The following LRRTM4 variants were observed in gnomAD, a reference collection of about 807,000 sequenced individuals.
LRRTM4 encodes leucine-rich repeat transmembrane neuronal protein 4.
Under a neutral mutation model 47.6 loss-of-function variants are expected in LRRTM4, and 25 were observed. That is an observed-to-expected ratio of 0.53 (90% CI 0.38 to 0.73). The LOEUF is 0.73. LRRTM4 is among the 30% of genes least tolerant of loss of function. The probability of loss-of-function intolerance (pLI) is 0.00; values close to 1 mark genes in which losing one functional copy is unlikely to be tolerated. For missense variants in LRRTM4, 638 were observed against 713.4 expected (o/e 0.89, Z 1.20); for synonymous variants, 311 against 269.5 (o/e 1.15, Z -1.51).
intron 3 of LRRTM4, among the ~76,000 whole-genome samples, chr2:77,455,826 A>G (rs995468094): frequency 6.6e-6 from 1 of 152,112 alleles, no homozygotes; most frequent in African/African-American, 2.4e-5. Flanking sequence ...TGCTCTTCCA[A>G]TAAAATCTTC....
At chr2:77,371,787 A>G (rs1175391742) in intron 3 of LRRTM4, among the ~76,000 whole-genome samples, 1 of 151,488 alleles carries the variant, frequency 6.6e-6, no homozygotes, top group Non-Finnish European at 1.5e-5. Context: ...TTGGCCCCAC[A>G]TTCTCCCCAG....
intron 3 of LRRTM4, among the ~76,000 whole-genome samples, chr2:76,977,369 C>T (rs1676456679): frequency 6.6e-6 from 1 of 151,512 alleles, no homozygotes; most frequent in South Asian, 2.1e-4. Flanking sequence ...CACCCAAAAA[C>T]TTACCAACCT....
intron 3 of LRRTM4, among the ~76,000 whole-genome samples, chr2:77,164,952 A>T (rs1000569969): frequency 1.1e-4 from 16 of 152,318 alleles, no homozygotes; most frequent in Non-Finnish European, 1.6e-4. Flanking sequence ...AAGGCAAGAA[A>T]TAACTAAGAT....
chr2:76,967,869 C>G (rs774334373), intron 3 of LRRTM4, among the ~76,000 whole-genome samples: 10 of 151,198 alleles, frequency 6.6e-5, no homozygotes, highest in Non-Finnish European at 1.5e-4. Context: ...TCATTCCATT[C>G]TCCCTCTGGC....
intron 3 of LRRTM4, among the ~76,000 whole-genome samples, chr2:77,394,946 T>C (rs1362560337): frequency 6.6e-6 from 1 of 151,938 alleles, no homozygotes; most frequent in Non-Finnish European, 1.5e-5. Flanking sequence ...GATTCTGGCA[T>C]TGAGCTCAAG....
intron 3 of LRRTM4, among the ~76,000 whole-genome samples, chr2:76,779,406 G>T (rs1264272482): frequency 1.3e-5 from 2 of 150,592 alleles, no homozygotes; most frequent in South Asian, 2.1e-4. Context: ...AAGTCTCTTT[G>T]TAGGTCGCTC....
At chr2:77,516,104 G>C (rs1679199162) in intron 3 of LRRTM4, among the ~76,000 whole-genome samples, 1 of 151,780 alleles carries the variant, frequency 6.6e-6, no homozygotes, top group Non-Finnish European at 1.5e-5. Context: ...TGAGGGCACA[G>C]AAAGTTTGAG....
chr2:77,406,590 C>A (rs976758559), intron 3 of LRRTM4, among the ~76,000 whole-genome samples: 2 of 151,934 alleles, frequency 1.3e-5, no homozygotes, highest in Non-Finnish European at 2.9e-5. Flanking sequence ...TGTGAGCCAC[C>A]GCACCCAGTC....
intron 3 of LRRTM4, among the ~76,000 whole-genome samples, chr2:77,237,693 C>T (rs189305868): frequency 1.3e-5 from 2 of 152,202 alleles, no homozygotes; most frequent in East Asian, 3.9e-4. Flanking sequence ...TCACATAGGG[C>T]CTGGAGAAAG....
chr2:76,914,865 A>C (rs2103790509), intron 3 of LRRTM4, among the ~76,000 whole-genome samples: 1 of 152,328 alleles, frequency 6.6e-6, no homozygotes, highest in South Asian at 2.1e-4. Context: ...ATAAAGAGCA[A>C]AGGCTCTAGA....
At chr2:76,952,880 C>A (rs959771293) in intron 3 of LRRTM4, among the ~76,000 whole-genome samples, 1 of 151,870 alleles carries the variant, frequency 6.6e-6, no homozygotes, top group African/African-American at 2.4e-5. Context: ...ATGTACTTTG[C>A]AGCAGCATAA....
intron 3 of LRRTM4, among the ~76,000 whole-genome samples, chr2:77,078,879 C>T (rs1680436105): frequency 6.6e-6 from 1 of 152,082 alleles, no homozygotes. Flanking sequence ...GCTGGGAAGT[C>T]CAAGATCCAG....
intron 3 of LRRTM4, among the ~76,000 whole-genome samples, chr2:77,107,257 ACT>A (rs111375617): frequency 0.27 from 41,246 of 151,804 alleles, 8,357 homozygotes; most frequent in African/African-American, 0.54. Flanking sequence ...ACATTTAATA[ACT>A]CTTATCTTTG....
intron 3 of LRRTM4, among the ~76,000 whole-genome samples, chr2:77,002,052 G>A (rs568971109): frequency 3.9e-5 from 6 of 152,022 alleles, no homozygotes; most frequent in East Asian, 1.9e-4. Flanking sequence ...TAAAATACAC[G>A]CTTAACATTT....
At chr2:77,013,688 A>G (rs1258160710) in intron 3 of LRRTM4, among the ~76,000 whole-genome samples, 10 of 152,182 alleles carry the variant, frequency 6.6e-5, no homozygotes, top group African/African-American at 2.2e-4. Context: ...GAAAACAGCG[A>G]TAACAATCTC....
intron 3 of LRRTM4, among the ~76,000 whole-genome samples, chr2:76,839,825 A>G (rs994092352): frequency 7.9e-5 from 12 of 152,112 alleles, no homozygotes; most frequent in Non-Finnish European, 1.3e-4. Context: ...AAATCTTGTA[A>G]AAATGCATAA....
rs181011677 is a variant in LRRTM4 at position 76,772,857 on chromosome 2, T to G, written c.1552-23941A>C. 3.3e-3 allele frequency: 509 copies of G among 152,314 alleles called. 2 individuals are homozygous for G. The highest frequency in any genetic ancestry group is 0.012 in the African/African-American group (483 of 41,578). The allele number at this position is 152,314 out of a possible 1,614,324, so 9.4% of individuals were successfully genotyped here. ...ATTGTGACTAATTTATAAATTAAAC[T>G]TTATCATAGGTATGGAATATATAGG... On this transcript the variant is annotated intron_variant, in intron 3 of 3. Transcript: ENST00000409884.
At chr2:76,804,185 T>C (rs1008911968) in intron 3 of LRRTM4, among the ~76,000 whole-genome samples, 4 of 152,132 alleles carry the variant, frequency 2.6e-5, no homozygotes, top group Admixed American at 6.6e-5. Flanking sequence ...CTGGAGATGG[T>C]CTTGGGCACC....
chr2:77,415,082 C>T (rs1032002464), intron 3 of LRRTM4, among the ~76,000 whole-genome samples: 2 of 152,096 alleles, frequency 1.3e-5, no homozygotes, highest in African/African-American at 4.8e-5. Flanking sequence ...AATTGTACTG[C>T]TATGTTTGCA....
Sources: allele counts gnomAD v4.1 joint callset (sites outside exome capture counted in the v4.1 genomes callset), GRCh38; gene constraint gnomAD v4.1.1; transcripts MANE v1.5; gene names NCBI Gene and HGNC (gene_info 2026-07-23, HGNC 2026-07-21).